MBNL1: variants seen among roughly 807,000 people sequenced by gnomAD.
MBNL1 encodes the protein muscleblind like splicing regulator 1.
In MBNL1, 8 loss-of-function variants were observed where a neutral mutation model predicts 42.2. That is an observed-to-expected ratio of 0.19 (90% CI 0.11 to 0.34). The LOEUF (loss-of-function observed/expected upper bound fraction) is 0.34. Among genes scored for constraint, MBNL1 ranks in the 10% least tolerant of loss-of-function variants. MBNL1 has a pLI of 1.00. For synonymous variants in MBNL1, 169 were observed against 173.9 expected (o/e 0.97, Z 0.22); for missense variants, 309 against 495.3 (o/e 0.62, Z 3.57).
chr3:152,435,950 C>T (rs1247580189), intron 4 of MBNL1, among the ~76,000 whole-genome samples: 1 of 152,104 alleles, frequency 6.6e-6, no homozygotes, highest in Non-Finnish European at 1.5e-5. Flanking sequence ...TGGGCCGAGA[C>T]TATGGGGTTT....
At chr3:152,418,069 CA>C (rs1451949342) in intron 3 of MBNL1, among the ~76,000 whole-genome samples, 2 of 152,168 alleles carry the variant, frequency 1.3e-5, no homozygotes, top group East Asian at 3.9e-4. Context: ...TGAAATGTAC[CA>C]AGCCAAGAAT....
intron 4 of MBNL1, among the ~76,000 whole-genome samples, chr3:152,436,607 ATTAACT>A (rs1200489680): frequency 3.9e-5 from 6 of 152,342 alleles, no homozygotes; most frequent in Non-Finnish European, 5.9e-5. Flanking sequence ...GAAGTCTGAG[ATTAACT>A]TTAATGAATT....
intron 6 of MBNL1, among the ~76,000 whole-genome samples, chr3:152,448,664 C>A (rs1292128412): frequency 3.9e-5 from 6 of 152,032 alleles, no homozygotes; most frequent in Non-Finnish European, 1.5e-5. Flanking sequence ...ATATATATGT[C>A]AAAAATCCAG....
chr3:152,459,257 T>C lies in MBNL1; in HGVS notation c.1093-14T>C, dbSNP rs750916636. 6.7e-7 allele frequency: 1 copy of C among 1,501,540 alleles called. No individual in the cohort carries two copies. The highest frequency in any genetic ancestry group is 1.3e-5 in the South Asian group (1 of 79,940). 93.0% of individuals were successfully genotyped at this position (1,501,540 alleles called of 1,614,324 possible). A position where few individuals can be genotyped will look rare whatever the true frequency, so the allele number is the denominator to read the frequency against. Reference sequence around the variant, plus strand: ...TTGCATGGATCATTCATTAAATAATTTTTTATTTGCTAGATACCCATAATA... The same window carrying C: ...TTGCATGGATCATTCATTAAATAATCTTTTATTTGCTAGATACCCATAATA... On this transcript the variant is annotated splice_polypyrimidine_tract_variant and intron_variant, in intron 8 of 9. Coordinates refer to ENST00000324210, the MANE Select transcript of MBNL1 (RefSeq NM_021038.5).
chr3:152,377,455 T>G (rs2153365037), intron 2 of MBNL1, among the ~76,000 whole-genome samples: 1 of 152,338 alleles, frequency 6.6e-6, no homozygotes, highest in South Asian at 2.1e-4. Context: ...TAAATTAACC[T>G]GTTAATTTAT....
intron 2 of MBNL1, among the ~76,000 whole-genome samples, chr3:152,249,032 GT>G (rs1311337870): frequency 1.6e-4 from 24 of 150,838 alleles, no homozygotes; most frequent in Non-Finnish European, 1.9e-4. Flanking sequence ...GGACATTTGG[GT>G]TGGTTCTAAG....
intron 2 of MBNL1, among the ~76,000 whole-genome samples, chr3:152,411,520 AAAAAC>A (rs949988804): frequency 4.6e-5 from 7 of 152,220 alleles, no homozygotes; most frequent in Non-Finnish European, 7.3e-5. Flanking sequence ...ACTCCGTCTC[AAAAAC>A]AAAACAAAAC....
chr3:152,340,878 C>T, intron 2 of MBNL1: 1 of 1,612,984 alleles, frequency 6.2e-7, no homozygotes, highest in South Asian at 1.1e-5. Flanking sequence ...AGTATAAAGG[C>T]ACCTGTGGGC....
At chr3:152,325,100 C>T (rs557190621) in intron 2 of MBNL1, among the ~76,000 whole-genome samples, 1,553 of 84,600 alleles carry the variant, frequency 0.018, 144 homozygotes, top group Non-Finnish European at 0.033. Flanking sequence ...CCCCCCCGCC[C>T]GCTTTTTTTT....
chr3:152,273,554 T>G (rs981989560), intron 1 of MBNL1, among the ~76,000 whole-genome samples: 1 of 152,206 alleles, frequency 6.6e-6, no homozygotes, highest in Non-Finnish European at 1.5e-5. Flanking sequence ...GAATTAAGTC[T>G]TACACATTTG....
chr3:152,349,117 A>T (rs550988184), intron 2 of MBNL1, among the ~76,000 whole-genome samples: 1 of 152,208 alleles, frequency 6.6e-6, no homozygotes, highest in African/African-American at 2.4e-5. Context: ...AATTCTGGCT[A>T]TCAAGACCTC....
intron 2 of MBNL1, among the ~76,000 whole-genome samples, chr3:152,353,501 A>G (rs1288389134): frequency 6.6e-6 from 1 of 151,976 alleles, no homozygotes; most frequent in Admixed American, 6.6e-5. Flanking sequence ...TTGTGTTTCT[A>G]TTTTTGATTT....
intron 2 of MBNL1, among the ~76,000 whole-genome samples, chr3:152,305,580 T>A (rs1006432742): frequency 2.0e-5 from 3 of 152,094 alleles, no homozygotes; most frequent in Admixed American, 6.6e-5. Context: ...CCAAAAATCA[T>A]GACTGCCAGT....
chr3:152,332,434 CA>C (rs1250769247), intron 2 of MBNL1, among the ~76,000 whole-genome samples: 1 of 151,948 alleles, frequency 6.6e-6, no homozygotes, highest in Non-Finnish European at 1.5e-5. Flanking sequence ...AGAAATTCTG[CA>C]AAAAAATGTA....
chr3:152,419,560 T>C (rs1415719961), intron 3 of MBNL1, among the ~76,000 whole-genome samples: 2 of 152,140 alleles, frequency 1.3e-5, no homozygotes, highest in Admixed American at 6.5e-5. Flanking sequence ...ACTACACTTT[T>C]CCCATGGTCT....
upstream of MBNL1, chr3:152,265,685 T>A (rs912138331): frequency 3.3e-5 from 5 of 152,112 alleles, no homozygotes; most frequent in African/African-American, 1.2e-4. Flanking sequence ...AAAACTTGAA[T>A]GGACTGAAAT....
intron 3 of MBNL1, among the ~76,000 whole-genome samples, chr3:152,417,514 C>G (rs2098721637): frequency 6.6e-6 from 1 of 152,098 alleles, no homozygotes; most frequent in African/African-American, 2.4e-5. Context: ...GACTTTTAGT[C>G]AAGTAGGTGA....
At chr3:152,265,530 T>C (rs1374250174), upstream of MBNL1, 1 of 152,142 alleles carries the variant, frequency 6.6e-6, no homozygotes, top group African/African-American at 2.4e-5. Context: ...CACACTTACA[T>C]AGGTACCTTA....
intron 2 of MBNL1, among the ~76,000 whole-genome samples, chr3:152,336,984 C>T (rs143745509): frequency 1.3e-5 from 2 of 152,226 alleles, no homozygotes; most frequent in East Asian, 1.9e-4. Context: ...TAATTTGCTT[C>T]GAGTCTTGAA....
Sources: allele counts gnomAD v4.1 joint callset (sites outside exome capture counted in the v4.1 genomes callset), GRCh38; gene constraint gnomAD v4.1.1; transcripts MANE v1.5; gene names NCBI Gene and HGNC (gene_info 2026-07-23, HGNC 2026-07-21).